WWTR1: variants seen among roughly 807,000 people sequenced by gnomAD.
WWTR1 encodes WW domain-containing transcription regulator protein 1.
In WWTR1, 13 loss-of-function variants were observed where a neutral mutation model predicts 40.1. That is an observed-to-expected ratio of 0.32 (90% CI 0.21 to 0.52). The LOEUF (loss-of-function observed/expected upper bound fraction) is 0.52, where lower values mean the gene tolerates loss of function less well. WWTR1 is among the 20% of genes least tolerant of loss of function. The probability of loss-of-function intolerance (pLI) is 0.97; values close to 1 mark genes in which losing one functional copy is unlikely to be tolerated. For missense variants in WWTR1, 436 were observed against 523.1 expected, an observed-to-expected ratio of 0.83 and a Z score of 1.63; for synonymous variants, 230 against 210.1, an observed-to-expected ratio of 1.09 and a Z score of -0.82.
Position 149,657,541 on chromosome 3 carries a change from G to C in WWTR1, c.-4+224C>G. The C allele has an allele frequency of 5.4e-6, 3 of 557,952 alleles. No individual in the cohort carries two copies. In the South Asian group the frequency reaches 7.2e-5, roughly 13 times the overall value. The allele number at this position is 557,952 out of a possible 1,614,324, so 34.6% of individuals were successfully genotyped here. ...GCAACTTTCTTGAAGCAAAGAAGTT[G>C]CCTGGAGGAGGAGAAGATAGGGCGA... is the stretch of plus-strand genomic sequence containing the variant. On this transcript the variant is annotated intron_variant, in intron 1 of 6. Transcript: ENST00000360632.
intron 3 of WWTR1, among the ~76,000 whole-genome samples, chr3:149,564,364 T>C (rs1737212221): frequency 6.6e-6 from 1 of 152,220 alleles, no homozygotes; most frequent in African/African-American, 2.4e-5. Flanking sequence ...CTTGCTCAAC[T>C]GCAGAGGCCT....
At chr3:149,694,800 C>T (rs1241607859) in intron 1 of WWTR1, among the ~76,000 whole-genome samples, 2 of 152,140 alleles carry the variant, frequency 1.3e-5, no homozygotes, top group Non-Finnish European at 2.9e-5. Flanking sequence ...TCCAGCAATC[C>T]CACTGCTAGG....
chr3:149,593,220 A>T (rs759835498), intron 2 of WWTR1, among the ~76,000 whole-genome samples: 4 of 152,244 alleles, frequency 2.6e-5, no homozygotes, highest in Non-Finnish European at 5.9e-5. Context: ...CGTAGAATCG[A>T]GAAGACCATG....
At chr3:149,640,548 G>A (rs1366741919) in intron 2 of WWTR1, among the ~76,000 whole-genome samples, 1 of 152,104 alleles carries the variant, frequency 6.6e-6, no homozygotes, top group Non-Finnish European at 1.5e-5. Context: ...AGCCTCCTGA[G>A]TAGCTGGGAT....
chr3:149,642,350 G>A (rs150733346), intron 2 of WWTR1, among the ~76,000 whole-genome samples: 5,314 of 151,946 alleles, frequency 0.035, 320 homozygotes, highest in African/African-American at 0.12. Flanking sequence ...AACCCAGGAG[G>A]CAGAGGTTGC....
intron 3 of WWTR1, among the ~76,000 whole-genome samples, chr3:149,552,487 C>G (rs1011494979): frequency 7.4e-6 from 1 of 135,548 alleles, no homozygotes; most frequent in African/African-American, 2.5e-5. Flanking sequence ...CAACGCCTCA[C>G]CCATAACTCA....
intron 6 of WWTR1, among the ~76,000 whole-genome samples, chr3:149,523,188 T>C (rs1735143585): frequency 6.6e-6 from 1 of 151,868 alleles, no homozygotes; most frequent in African/African-American, 2.4e-5. Flanking sequence ...AATCTCATAG[T>C]AATCTTTTTG....
At chr3:149,692,435 T>C (rs1285057917) in intron 1 of WWTR1, among the ~76,000 whole-genome samples, 1 of 152,170 alleles carries the variant, frequency 6.6e-6, no homozygotes, top group Non-Finnish European at 1.5e-5. Context: ...TACTATTTGA[T>C]AAAATTCAAT....
At chr3:149,568,301 G>C (rs1737430090) in intron 3 of WWTR1, among the ~76,000 whole-genome samples, 1 of 146,642 alleles carries the variant, frequency 6.8e-6, no homozygotes, top group Non-Finnish European at 1.5e-5. Context: ...CAGGATAATT[G>C]CTTGAACCTG....
At chr3:149,556,188 CT>C (rs113419780) in intron 3 of WWTR1, among the ~76,000 whole-genome samples, 20,837 of 152,258 alleles carry the variant, frequency 0.14, 1,568 homozygotes, top group Middle Eastern at 0.18. Flanking sequence ...ACTGCCTGGA[CT>C]GCATGGGAAA....
intron 2 of WWTR1, among the ~76,000 whole-genome samples, chr3:149,587,146 AG>A (rs1738467683): frequency 6.6e-6 from 1 of 152,088 alleles, no homozygotes; most frequent in African/African-American, 2.4e-5. Context: ...GGTGGGCTGG[AG>A]GGGGTGCAGT....
At chr3:149,549,186 A>G (rs1445240145) in intron 3 of WWTR1, among the ~76,000 whole-genome samples, 1 of 152,190 alleles carries the variant, frequency 6.6e-6, no homozygotes, top group Non-Finnish European at 1.5e-5. Context: ...GTTCATTCCA[A>G]AGAACACAGG....
chr3:149,531,671 G>A (rs1421131392), intron 4 of WWTR1, among the ~76,000 whole-genome samples: 3 of 152,056 alleles, frequency 2.0e-5, no homozygotes, highest in East Asian at 3.9e-4. Flanking sequence ...CTTCAGAGAT[G>A]CTCCTACCTC....
At chr3:149,662,281 A>G (rs371847577), upstream of WWTR1, among the ~76,000 whole-genome samples, 36 of 152,220 alleles carry the variant, frequency 2.4e-4, no homozygotes, top group African/African-American at 7.7e-4. Flanking sequence ...GCTCCCTGGT[A>G]TTGCCATTTT....
chr3:149,568,547 A>AC (rs1737456149), intron 3 of WWTR1, among the ~76,000 whole-genome samples: 4 of 141,534 alleles, frequency 2.8e-5, no homozygotes, highest in Admixed American at 6.9e-5. Flanking sequence ...AAAAAAAAAA[A>AC]AAAAAAAAAA....
intron 2 of WWTR1, among the ~76,000 whole-genome samples, chr3:149,586,911 C>G (rs1393803865): frequency 5.9e-5 from 9 of 152,196 alleles, no homozygotes; most frequent in African/African-American, 2.2e-4. Context: ...TGGAGGGTGG[C>G]ACATCCAGAG....
At position 149,520,880 on chromosome 3, in the gene WWTR1, A is replaced by C; in HGVS notation, c.1128T>G (p.Ser376=). Residue 376 remains serine (S), a synonymous_variant, in exon 7 of 7, where the codon TCT becomes TCG. Transcript: ENST00000360632. The stretch of plus-strand genomic sequence containing the variant: ...CATTGAAGAGGGGGATCAGGTCTTC[A>C]GATTCCAAAGTTCCTAAGTCAACGT... ...GTNVDLGTLE[S]EDLIPLFNDV... The C allele has an allele frequency of 1.2e-6, 2 of 1,613,652 alleles. No individual in the cohort carries two copies. Among genetic ancestry groups the C allele is most frequent in the Non-Finnish European group, 1.7e-6 (2 of 1,179,862 alleles).
At position 149,545,291 on chromosome 3, in the gene WWTR1, C is replaced by T. The variant is rs192967094; in HGVS notation, c.569-2754G>A. On this transcript the variant is annotated intron_variant, in intron 3 of 6. Transcript: ENST00000360632. ...ATCCAGAAGGGTTTAATTCATGAAA[C>T]CTATTTCAAGCCAGGGAAGAGAGGC... is the stretch of plus-strand genomic sequence containing the variant. 1.1e-3 allele frequency among the ~76,000 whole-genome samples: 160 copies of T among 152,178 alleles called. 1 individual carries two copies. Among genetic ancestry groups the T allele is most frequent in the African/African-American group, 3.7e-3 (152 of 41,522 alleles).
At chr3:149,547,361 C>G (rs1736414039) in intron 3 of WWTR1, among the ~76,000 whole-genome samples, 1 of 151,786 alleles carries the variant, frequency 6.6e-6, no homozygotes, top group Non-Finnish European at 1.5e-5. Context: ...CCCGTCTCTA[C>G]TAAAAATACA....
Sources: allele counts gnomAD v4.1 joint callset (sites outside exome capture counted in the v4.1 genomes callset), GRCh38; gene constraint gnomAD v4.1.1; transcripts MANE v1.5; gene names NCBI Gene and HGNC (gene_info 2026-07-23, HGNC 2026-07-21).